MAPK4: variants seen among roughly 807,000 people sequenced by gnomAD.
MAPK4 encodes Erk3-related.
In MAPK4, 22 loss-of-function variants were observed where a neutral mutation model predicts 47.7. The observed-to-expected ratio is 0.46, with a 90% CI of 0.33 to 0.66. The LOEUF (loss-of-function observed/expected upper bound fraction) is 0.66. Ranked by LOEUF, MAPK4 falls within the 30% of genes least tolerant of loss-of-function variation. The probability of loss-of-function intolerance (pLI) is 0.02; values close to 1 mark genes in which losing one functional copy is unlikely to be tolerated. For synonymous variants in MAPK4, 390 were observed against 365.7 expected, an observed-to-expected ratio of 1.07 and a Z score of -0.76; for missense variants, 736 against 831.7, an observed-to-expected ratio of 0.88 and a Z score of 1.42.
At chr18:50,711,051 G>A (rs959389217) in intron 2 of MAPK4, among the ~76,000 whole-genome samples, 4 of 152,206 alleles carry the variant, frequency 2.6e-5, no homozygotes, top group Non-Finnish European at 5.9e-5. Context: ...CCCTTCTGGA[G>A]TGACTTTGAT....
At chr18:50,608,023 T>G (rs527617425) in intron 1 of MAPK4, among the ~76,000 whole-genome samples, 1 of 152,344 alleles carries the variant, frequency 6.6e-6, no homozygotes, top group South Asian at 2.1e-4. Flanking sequence ...TTTTTCTATT[T>G]AGTATCATGG....
chr18:50,641,708 G>C (rs1157509912), intron 1 of MAPK4, among the ~76,000 whole-genome samples: 2 of 151,994 alleles, frequency 1.3e-5, no homozygotes, highest in Non-Finnish European at 2.9e-5. Context: ...TTATCTGTTA[G>C]GATTTCTCAA....
At chr18:50,658,953 C>T (rs564076760) in intron 1 of MAPK4, among the ~76,000 whole-genome samples, 3 of 152,330 alleles carry the variant, frequency 2.0e-5, no homozygotes, top group South Asian at 2.1e-4. Flanking sequence ...CAGAGGTCCA[C>T]GAACTACAGC....
rs535755885 is a variant in MAPK4, at chr18:50,698,668, A to T, written c.547-16411A>T. 5.3e-5 allele frequency among the ~76,000 whole-genome samples: 8 copies of T among 152,320 alleles called. No homozygotes were observed. The South Asian group carries it at 1.7e-3, about 32-fold the overall frequency. ...AGACAAGTGTAATATGAAAAAGGAA[A>T]ATTGCGGGCCAGTCTCACTTATGAG... On this transcript the variant is annotated intron_variant, in intron 2 of 5. Coordinates refer to ENST00000400384, the MANE Select transcript of MAPK4 (RefSeq NM_002747.4).
At position 50,730,328 on chromosome 18, in the gene MAPK4, C is replaced by G. The variant is rs894155492; in HGVS notation, c.*474C>G. 1.3e-5 allele frequency: 2 copies of G among 154,300 alleles called. No individual in the cohort carries two copies. Among genetic ancestry groups the G allele is most frequent in the African/African-American group, 2.4e-5 (1 of 41,520 alleles). The allele number at this position is 154,300 out of a possible 1,614,324, so 9.6% of individuals were successfully genotyped here. A position where few individuals can be genotyped will look rare whatever the true frequency, so the allele number is the denominator to read the frequency against. Reference sequence around the variant, plus strand: ...CTTGAAATCCCAGTCTCCTGGCCCCCAGGCCAGGGTCTGTCCACCATAGAA... The same window carrying G: ...CTTGAAATCCCAGTCTCCTGGCCCCGAGGCCAGGGTCTGTCCACCATAGAA... On this transcript the variant is annotated 3_prime_UTR_variant, in exon 6 of 6. Transcript: ENST00000400384.
intron 1 of MAPK4, among the ~76,000 whole-genome samples, chr18:50,606,992 G>A (rs573716961): frequency 7.9e-5 from 12 of 152,310 alleles, no homozygotes; most frequent in Admixed American, 1.3e-4. Context: ...CACACATAGC[G>A]TGGTTAAGAA....
At chr18:50,632,543 G>A (rs1009765580) in intron 1 of MAPK4, among the ~76,000 whole-genome samples, 2 of 151,484 alleles carry the variant, frequency 1.3e-5, no homozygotes, top group Non-Finnish European at 2.9e-5. Flanking sequence ...GTCTCGTTAT[G>A]GAATTTTGTG....
intron 1 of MAPK4, among the ~76,000 whole-genome samples, chr18:50,572,204 G>T (rs1208222671): frequency 6.6e-6 from 1 of 152,176 alleles, no homozygotes; most frequent in African/African-American, 2.4e-5. Context: ...AGTGAAATAT[G>T]CTCCATCAAA....
At chr18:50,615,441 G>A (rs2042676462) in intron 1 of MAPK4, among the ~76,000 whole-genome samples, 1 of 152,162 alleles carries the variant, frequency 6.6e-6, no homozygotes, top group South Asian at 2.1e-4. Flanking sequence ...GTCCTCATGG[G>A]CATGGCTCAG....
intron 2 of MAPK4, among the ~76,000 whole-genome samples, chr18:50,699,056 A>C (rs1909650328): frequency 6.6e-6 from 1 of 152,102 alleles, no homozygotes; most frequent in South Asian, 2.1e-4. Context: ...TAATATATAA[A>C]ATATATCCAA....
intron 4 of MAPK4, 41 bp from the exon 5 acceptor site, chr18:50,725,921 G>A: frequency 6.6e-7 from 1 of 1,524,574 alleles, no homozygotes; most frequent in Non-Finnish European, 9.1e-7. Context: ...AGCTCAACAA[G>A]GGCAACAAAT....
At position 50,596,244 on chromosome 18, in the gene MAPK4, G is replaced by A. The variant is rs570192203; in HGVS notation, c.-871+36001G>A. 5.9e-5 allele frequency among the ~76,000 whole-genome samples: 9 copies of A among 152,248 alleles called. No individual in the cohort carries two copies. The South Asian group carries it at 8.3e-4, about 14-fold the overall frequency. On this transcript the variant is annotated intron_variant, in intron 1 of 5. Transcript: ENST00000400384. Reference sequence around the variant, plus strand: ...AGGTTATATGGCCAGTAAGGGGTGCGGGTAGAGCTGGAGTTTGAGTCCTGG... The same window carrying A: ...AGGTTATATGGCCAGTAAGGGGTGCAGGTAGAGCTGGAGTTTGAGTCCTGG...
intron 1 of MAPK4, among the ~76,000 whole-genome samples, chr18:50,566,747 G>A (rs2042202048): frequency 6.6e-6 from 1 of 151,998 alleles, no homozygotes; most frequent in African/African-American, 2.4e-5. Flanking sequence ...TGCTTTTTTT[G>A]TATCATCTTT....
At chr18:50,657,618 C>A (rs958690893) in intron 1 of MAPK4, among the ~76,000 whole-genome samples, 1 of 152,002 alleles carries the variant, frequency 6.6e-6, no homozygotes, top group Non-Finnish European at 1.5e-5. Flanking sequence ...CTGATTGAGA[C>A]CAGTGATTTT....
intron 1 of MAPK4, chr18:50,629,635 C>T (rs9966730): frequency 0.44 from 67,564 of 152,032 alleles, 15,268 homozygotes; most frequent in Middle Eastern, 0.56. Context: ...TTTTGAGCTT[C>T]GTGGGGCACT....
At chr18:50,721,546 C>G (rs1910935433) in intron 3 of MAPK4, among the ~76,000 whole-genome samples, 1 of 152,202 alleles carries the variant, frequency 6.6e-6, no homozygotes, top group African/African-American at 2.4e-5. Flanking sequence ...CATTCCCAGC[C>G]TTAAAACTGT....
At chr18:50,662,960 C>T (rs1907363658) in intron 1 of MAPK4, 129 bp from the exon 2 acceptor site, 2 of 152,274 alleles carry the variant, frequency 1.3e-5, no homozygotes, top group Admixed American at 1.3e-4. Context: ...CCCCGGAATC[C>T]CCTGAGCAAG....
At chr18:50,639,543 A>T (rs2042920031) in intron 1 of MAPK4, among the ~76,000 whole-genome samples, 2 of 152,342 alleles carry the variant, frequency 1.3e-5, no homozygotes, top group East Asian at 1.9e-4. Context: ...AAGGAAAAAA[A>T]TTCTGTAATC....
chr18:50,676,031 C>T (rs1598898623), intron 2 of MAPK4, among the ~76,000 whole-genome samples: 1 of 152,238 alleles, frequency 6.6e-6, no homozygotes, highest in South Asian at 2.1e-4. Flanking sequence ...TGCCCATGGT[C>T]TTTCGGTAGC....
Sources: allele counts gnomAD v4.1 joint callset (sites outside exome capture counted in the v4.1 genomes callset), GRCh38; gene constraint gnomAD v4.1.1; transcripts MANE v1.5; gene names NCBI Gene and HGNC (gene_info 2026-07-23, HGNC 2026-07-21).